UTRN: variants seen among roughly 807,000 people sequenced by gnomAD.
The protein encoded by UTRN is dystrophin-related protein 1.
In UTRN, 283 loss-of-function variants were observed where a neutral mutation model predicts 463.9. The observed-to-expected ratio is 0.61, with a 90% confidence interval of 0.55 to 0.67. The LOEUF is 0.67. Ranked by LOEUF, UTRN falls within the 30% of genes least tolerant of loss-of-function variation. The probability of loss-of-function intolerance (pLI) is 0.00; values close to 1 mark genes in which losing one functional copy is unlikely to be tolerated. For missense variants in UTRN, 3,922 were observed against 4,084.3 expected (o/e 0.96, Z 1.08); for synonymous variants, 1,442 against 1,431.5 (o/e 1.01, Z -0.17).
chr6:144,714,875 C>T (rs544079121), intron 53 of UTRN, among the ~76,000 whole-genome samples: 34 of 152,132 alleles, frequency 2.2e-4, no homozygotes, highest in Non-Finnish European at 3.2e-4. Context: ...AACTGTTCCT[C>T]GGACTCTACT....
chr6:144,821,072 CTT>C, intron 66 of UTRN, 54 bp downstream of exon 66: 1 of 1,566,882 alleles, frequency 6.4e-7, no homozygotes, highest in Non-Finnish European at 8.6e-7. Context: ...CTGATGTTGT[CTT>C]TTTTATGTTA....
chr6:144,340,840 G>A (rs188686646), intron 2 of UTRN, among the ~76,000 whole-genome samples: 20 of 152,270 alleles, frequency 1.3e-4, no homozygotes, highest in Admixed American at 2.6e-4. Context: ...TTTCAAAAGC[G>A]CCCCCCTATT....
At chr6:144,583,991 A>C (rs1368879871) in intron 51 of UTRN, among the ~76,000 whole-genome samples, 4 of 152,212 alleles carry the variant, frequency 2.6e-5, no homozygotes, top group African/African-American at 9.6e-5. Flanking sequence ...ATAATCTTTC[A>C]GTAGATTTTT....
At chr6:144,449,192 A>G (rs1164811077) in intron 17 of UTRN, among the ~76,000 whole-genome samples, 1 of 152,166 alleles carries the variant, frequency 6.6e-6, no homozygotes, top group Admixed American at 6.5e-5. Flanking sequence ...AACCATTCCT[A>G]TTAACATGGT....
intron 52 of UTRN, among the ~76,000 whole-genome samples, chr6:144,689,360 C>T (rs1312946228): frequency 6.6e-6 from 1 of 152,186 alleles, no homozygotes; most frequent in Non-Finnish European, 1.5e-5. Context: ...GAGCTGCAGA[C>T]TTTCTCCACT....
At chr6:144,475,280 G>T (rs962630973) in intron 25 of UTRN, among the ~76,000 whole-genome samples, 2 of 152,190 alleles carry the variant, frequency 1.3e-5, no homozygotes, top group East Asian at 3.8e-4. Context: ...TTTGAATAAA[G>T]AACTGAGTAA....
chr6:144,485,007 C>T (rs892329585), intron 27 of UTRN, among the ~76,000 whole-genome samples: 2 of 152,064 alleles, frequency 1.3e-5, no homozygotes, highest in Non-Finnish European at 2.9e-5. Context: ...CTCCGCCTCC[C>T]GGGTTCACGC....
intron 2 of UTRN, among the ~76,000 whole-genome samples, chr6:144,367,742 TC>T (rs1779632554): frequency 6.6e-6 from 1 of 151,972 alleles, no homozygotes; most frequent in Non-Finnish European, 1.5e-5. Context: ...AGGAGAAAAA[TC>T]CTAAGAATGT....
At chr6:144,783,871 T>C (rs1208991124) in intron 61 of UTRN, among the ~76,000 whole-genome samples, 1 of 152,212 alleles carries the variant, frequency 6.6e-6, no homozygotes, top group East Asian at 1.9e-4. Flanking sequence ...GTTACCATAA[T>C]GAATACGGGA....
In UTRN at chr6:144,644,253, C is replaced by A. The variant is rs566911861; in HGVS notation, c.7480-34153C>A. ...ACTCTAAAATTAGTATTGGAAAAAT[C>A]TCCCTGATTTGTTCAAATGGCTGAT... On this transcript the variant is annotated intron_variant, in intron 51 of 74. Coordinates refer to ENST00000367545, the MANE Select transcript of UTRN (RefSeq NM_007124.3). Among the ~76,000 whole-genome samples, 23 of 152,276 alleles carry A rather than the reference C, an allele frequency of 1.5e-4. 1 individual carries two copies. In the South Asian group the frequency reaches 4.8e-3, roughly 32 times the overall value.
intron 2 of UTRN, among the ~76,000 whole-genome samples, chr6:144,345,392 G>A (rs540475817): frequency 1.3e-5 from 2 of 152,190 alleles, no homozygotes; most frequent in Admixed American, 6.5e-5. Flanking sequence ...AACTCCACGC[G>A]GGCCAGGCAC....
intron 74 of UTRN, among the ~76,000 whole-genome samples, chr6:144,850,343 G>T (rs779073879): frequency 8.5e-5 from 13 of 152,098 alleles, no homozygotes; most frequent in Non-Finnish European, 1.3e-4. Flanking sequence ...GTCCAGAAAG[G>T]CCTTTTATGA....
At chr6:144,332,374 G>A (rs1156242172) in intron 2 of UTRN, among the ~76,000 whole-genome samples, 2 of 152,184 alleles carry the variant, frequency 1.3e-5, no homozygotes, top group African/African-American at 4.8e-5. Flanking sequence ...ATGAGTGAAT[G>A]AATGAATGAA....
At chr6:144,732,312 A>AT (rs869075622) in intron 54 of UTRN, among the ~76,000 whole-genome samples, 17 of 146,676 alleles carry the variant, frequency 1.2e-4, no homozygotes, top group South Asian at 6.5e-4. Context: ...ATATATATAT[A>AT]AAAAATGTAT....
At chr6:144,386,383 C>T (rs531561145) in intron 2 of UTRN, among the ~76,000 whole-genome samples, 5 of 152,160 alleles carry the variant, frequency 3.3e-5, no homozygotes, top group South Asian at 2.1e-4. Flanking sequence ...GCTTGAGCCT[C>T]GGAAGTTGAA....
intron 54 of UTRN, among the ~76,000 whole-genome samples, chr6:144,746,977 A>G (rs1586357078): frequency 6.6e-6 from 1 of 152,218 alleles, no homozygotes; most frequent in East Asian, 1.9e-4. Context: ...AAATTTAGAG[A>G]GACAAACATA....
intron 60 of UTRN, among the ~76,000 whole-genome samples, chr6:144,777,477 T>C (rs1429415592): frequency 6.6e-6 from 1 of 152,216 alleles, no homozygotes; most frequent in African/African-American, 2.4e-5. Context: ...GGTTACCCCA[T>C]AATTGTAAGA....
chr6:144,616,032 CA>C (rs1248821077), intron 51 of UTRN, among the ~76,000 whole-genome samples: 2 of 152,110 alleles, frequency 1.3e-5, no homozygotes, highest in Non-Finnish European at 2.9e-5. Flanking sequence ...GCCTTCCTAC[CA>C]CAGGACCTTT....
chr6:144,431,781 A>C (rs1195502953), intron 9 of UTRN, among the ~76,000 whole-genome samples: 1 of 152,090 alleles, frequency 6.6e-6, no homozygotes, highest in Non-Finnish European at 1.5e-5. Context: ...CTACAGTTTT[A>C]GGATTTTTTG....
Sources: allele counts gnomAD v4.1 joint callset (sites outside exome capture counted in the v4.1 genomes callset), GRCh38; gene constraint gnomAD v4.1.1; transcripts MANE v1.5; gene names NCBI Gene and HGNC (gene_info 2026-07-23, HGNC 2026-07-21).